The following CPA6 variants were observed in gnomAD, a reference collection of about 807,000 sequenced individuals.
CPA6 encodes carboxypeptidase B.
A neutral mutation model predicts 63.3 loss-of-function variants in CPA6; 58 were observed. That is an observed-to-expected ratio of 0.92 (90% CI 0.74 to 1.14). The LOEUF (loss-of-function observed/expected upper bound fraction) is 1.14, where lower values mean the gene tolerates loss of function less well. Ranked by LOEUF, CPA6 falls within the 50% of genes most tolerant of loss-of-function variation. The probability of loss-of-function intolerance (pLI) is 0.00; values close to 1 mark genes in which losing one functional copy is unlikely to be tolerated. For missense variants in CPA6, 565 were observed against 526.6 expected (o/e 1.07, Z -0.71); for synonymous variants, 185 against 179.0 (o/e 1.03, Z -0.27).
At chr8:67,426,504 C>A (rs1809888472) in intron 10 of CPA6, among the ~76,000 whole-genome samples, 1 of 151,548 alleles carries the variant, frequency 6.6e-6, no homozygotes, top group South Asian at 2.1e-4. Context: ...AACATGAGAC[C>A]AATGATCATG....
chr8:67,481,012 G>T (rs568987879), intron 8 of CPA6, among the ~76,000 whole-genome samples: 2 of 152,182 alleles, frequency 1.3e-5, no homozygotes, highest in South Asian at 2.1e-4. Flanking sequence ...TTTAAATTGG[G>T]TTACTTGTGT....
intron 1 of CPA6, among the ~76,000 whole-genome samples, chr8:67,671,151 C>G (rs1167871700): frequency 1.3e-5 from 2 of 152,256 alleles, no homozygotes; most frequent in African/African-American, 4.8e-5. Context: ...AAAAAATGCT[C>G]TGTCACGTCG....
chr8:67,581,040 G>A (rs1349945477), intron 2 of CPA6, among the ~76,000 whole-genome samples: 1 of 152,150 alleles, frequency 6.6e-6, no homozygotes, highest in Non-Finnish European at 1.5e-5. Context: ...GGTAGATTAA[G>A]AGACCAAAAA....
intron 2 of CPA6, among the ~76,000 whole-genome samples, chr8:67,605,531 C>A (rs1439374178): frequency 8.0e-6 from 1 of 125,266 alleles, no homozygotes; most frequent in South Asian, 2.5e-4. Context: ...TATTGTATTG[C>A]TTTTTTTTTT....
At chr8:67,610,447 CT>C (rs1346938639) in intron 2 of CPA6, among the ~76,000 whole-genome samples, 4 of 152,118 alleles carry the variant, frequency 2.6e-5, no homozygotes, top group African/African-American at 7.2e-5. Flanking sequence ...CTCTCAGCAC[CT>C]CCTCAGTTAT....
chr8:67,600,887 C>A (rs138630835), intron 2 of CPA6, among the ~76,000 whole-genome samples: 1 of 152,218 alleles, frequency 6.6e-6, no homozygotes, highest in South Asian at 2.1e-4. Flanking sequence ...AAGCTAAGAT[C>A]GCAATATTAA....
At chr8:67,600,066 C>CT (rs200678346) in intron 2 of CPA6, among the ~76,000 whole-genome samples, 69 of 145,070 alleles carry the variant, frequency 4.8e-4, no homozygotes, top group South Asian at 6.6e-4. Context: ...GGACACATTT[C>CT]TTTTTTTTTT....
chr8:67,585,900 G>A (rs947086810), intron 2 of CPA6, among the ~76,000 whole-genome samples: 1 of 152,126 alleles, frequency 6.6e-6, no homozygotes, highest in African/African-American at 2.4e-5. Flanking sequence ...AAGTCATCCT[G>A]AGGCTATTAG....
intron 8 of CPA6, among the ~76,000 whole-genome samples, chr8:67,437,754 G>A (rs909069738): frequency 6.6e-6 from 1 of 152,056 alleles, no homozygotes; most frequent in African/African-American, 2.4e-5. Context: ...ATTCCTAGAA[G>A]GCATGGGGAA....
At chr8:67,693,642 C>T (rs1816856654) in intron 1 of CPA6, among the ~76,000 whole-genome samples, 1 of 152,242 alleles carries the variant, frequency 6.6e-6, no homozygotes, top group Non-Finnish European at 1.5e-5. Context: ...AGCTCCCTCA[C>T]TTCTGCCATG....
chr8:67,486,416 T>G (rs1587482067), intron 6 of CPA6, among the ~76,000 whole-genome samples: 1 of 152,244 alleles, frequency 6.6e-6, no homozygotes, highest in South Asian at 2.1e-4. Context: ...TGCTGGGGCA[T>G]TTAGTTTTCC....
intron 1 of CPA6, among the ~76,000 whole-genome samples, chr8:67,702,708 T>A (rs1487318741): frequency 6.6e-6 from 1 of 152,132 alleles, no homozygotes; most frequent in African/African-American, 2.4e-5. Flanking sequence ...GTGAGTAGAA[T>A]ACAACTTCAG....
At chr8:67,600,017 C>G (rs1004159355) in intron 2 of CPA6, among the ~76,000 whole-genome samples, 1 of 151,568 alleles carries the variant, frequency 6.6e-6, no homozygotes, top group African/African-American at 2.4e-5. Context: ...CCCTGGCTAA[C>G]TGAAATGAAT....
At position 67,432,456 on chromosome 8, in the gene CPA6, T is replaced by C. The variant is rs569926100; in HGVS notation, c.1041+1582A>G. Among the ~76,000 whole-genome samples the C allele has an allele frequency of 1.6e-4, 25 of 152,052 alleles. No homozygotes were observed. The South Asian group carries it at 5.0e-3, about 30-fold the overall frequency. On this transcript the variant is annotated intron_variant, in intron 9 of 10. Coordinates refer to ENST00000297770, the MANE Select transcript of CPA6 (RefSeq NM_020361.5). ...CTTCCATTTGGCGATTCCTGAGTTGTGTGATTGATTGATTGATTGTTAAGA... is the reference window on the plus strand; with the variant it reads ...CTTCCATTTGGCGATTCCTGAGTTGCGTGATTGATTGATTGATTGTTAAGA...
intron 8 of CPA6, among the ~76,000 whole-genome samples, chr8:67,443,430 A>G (rs916932820): frequency 2.6e-5 from 4 of 151,994 alleles, no homozygotes; most frequent in African/African-American, 9.7e-5. Context: ...ATCTCTTGTC[A>G]TCTAATCCTA....
chr8:67,580,863 T>A (rs1351121709), intron 2 of CPA6, among the ~76,000 whole-genome samples: 1 of 152,186 alleles, frequency 6.6e-6, no homozygotes, highest in Non-Finnish European at 1.5e-5. Flanking sequence ...AGTCATTAGT[T>A]CATCGAGATG....
chr8:67,742,814 C>G (rs1381925502), intron 1 of CPA6, among the ~76,000 whole-genome samples: 1 of 152,164 alleles, frequency 6.6e-6, no homozygotes, highest in African/African-American at 2.4e-5. Flanking sequence ...TTATGCTACG[C>G]TGACACATGA....
At chr8:67,483,586 A>G (rs1489664781) in intron 8 of CPA6, 182 bp downstream of exon 8, 5 of 605,962 alleles carry the variant, frequency 8.3e-6, no homozygotes, top group Non-Finnish European at 1.5e-5. Flanking sequence ...ATATATTAAA[A>G]AAGAATCCTT....
At chr8:67,686,717 C>G (rs756103990) in intron 1 of CPA6, among the ~76,000 whole-genome samples, 3 of 152,152 alleles carry the variant, frequency 2.0e-5, no homozygotes, top group Non-Finnish European at 4.4e-5. Context: ...TATGAAAGAA[C>G]AGTTAACAAG....
Sources: allele counts gnomAD v4.1 joint callset (sites outside exome capture counted in the v4.1 genomes callset), GRCh38; gene constraint gnomAD v4.1.1; transcripts MANE v1.5; gene names NCBI Gene and HGNC (gene_info 2026-07-23, HGNC 2026-07-21).